SHROOM4: variants seen among roughly 807,000 people sequenced by gnomAD.
SHROOM4 encodes the protein protein Shroom4.
A neutral mutation model predicts 80.3 loss-of-function variants in SHROOM4; 17 were observed. The ratio of observed to expected loss-of-function variants is 0.21; its 90% CI spans 0.14 to 0.32. The LOEUF (loss-of-function observed/expected upper bound fraction) is 0.32. Ranked by LOEUF, SHROOM4 falls within the 10% of genes least tolerant of loss-of-function variation. The pLI, the probability that SHROOM4 is intolerant of heterozygous loss-of-function variation, is 1.00. For synonymous variants in SHROOM4, 400 were observed against 437.5 expected, an observed-to-expected ratio of 0.91 and a Z score of 1.07; for missense variants, 993 against 1,140.3, an observed-to-expected ratio of 0.87 and a Z score of 1.86.
At chrX:50,758,168 G>A (rs1557268565) in intron 1 of SHROOM4, among the ~76,000 whole-genome samples, 8 of 111,431 alleles carry the variant, frequency 7.2e-5, no homozygotes, top group Non-Finnish European at 1.5e-4. Context: ...ATGTTTTACT[G>A]TATAAAATAT....
downstream of SHROOM4, among the ~76,000 whole-genome samples, chrX:50,585,507 C>A (rs1557244719): frequency 3.6e-5 from 4 of 111,126 alleles, no homozygotes; most frequent in African/African-American, 1.3e-4. Context: ...TGGAGAAGCA[C>A]ACAGGAGACA....
Position 50,695,862 on chromosome X carries a change from G to C in SHROOM4, c.193C>G (p.Pro65Ala). ...GCCTCTTGGCGGGAGCCATATAATG[G>C]AGTGCCATTGATATTCACCAGCTCA... is the stretch of plus-strand genomic sequence containing the variant. ...GDELVNINGT[P>A]LYGSRQEALI... Residue 65 changes from proline to alanine, a missense_variant, in exon 2 of 9, where the codon CCA (proline) becomes GCA (alanine). Pro to Ala is a conservative substitution (Grantham distance 27). Coordinates refer to ENST00000376020, the MANE Select transcript of SHROOM4 (RefSeq NM_020717.5). The C allele has an allele frequency of 8.3e-7, 1 of 1,211,360 alleles. No homozygotes were observed. The highest frequency in any genetic ancestry group is 1.1e-6 in the Non-Finnish European group (1 of 895,066).
At chrX:50,767,250 A>C (rs149158690) in intron 1 of SHROOM4, among the ~76,000 whole-genome samples, 3,093 of 112,236 alleles carry the variant, frequency 0.028, 102 homozygotes, top group African/African-American at 0.095. Flanking sequence ...AAGAGTAAAA[A>C]TTTTAAAATA....
intron 1 of SHROOM4, among the ~76,000 whole-genome samples, chrX:50,772,151 G>A (rs548382246): frequency 1.8e-5 from 2 of 110,847 alleles, no homozygotes; most frequent in South Asian, 7.7e-4. Flanking sequence ...AAACTTCTGT[G>A]TATTTTCTAA....
rs782530547 is a variant in SHROOM4, at chrX:50,694,543, A to ATTTTTTT, written c.269+1236_269+1242dup. The stretch of plus-strand genomic sequence containing the variant: ...AGGTCTTTGCCCATTTTTAAGTTGG[A>ATTTTTTT]TTTTTTTTTTTTTTTTTTTTTTTTT... On this transcript the variant is annotated intron_variant, in intron 2 of 8. Transcript: ENST00000376020. 4.2e-3 allele frequency among the ~76,000 whole-genome samples: 53 copies of ATTTTTTT among 12,499 alleles called. 11 individuals are homozygous for ATTTTTTT. The highest frequency in any genetic ancestry group is 9.6e-3 in the African/African-American group (29 of 3,023). The allele number at this position is 12,499 out of a possible 115,157, so 10.9% of individuals were successfully genotyped here.
At position 50,755,798 on chromosome X, in the gene SHROOM4, G is replaced by A. The variant is rs984909430; in HGVS notation, c.117+58104C>T. Among the ~76,000 whole-genome samples the A allele has an allele frequency of 3.6e-5, 4 of 111,444 alleles. No individual in the cohort carries two copies. In the Admixed American group the frequency reaches 3.8e-4, roughly 11 times the overall value. On this transcript the variant is annotated intron_variant, in intron 1 of 8. Coordinates refer to ENST00000376020, the MANE Select transcript of SHROOM4 (RefSeq NM_020717.5). ...GGAAAGTTGGAACACAGAATCCAGA[G>A]AAATAGGTCCATGGTAGTAGGGTAC...
At chrX:50,717,644 G>C (rs1933999070) in intron 1 of SHROOM4, among the ~76,000 whole-genome samples, 1 of 111,509 alleles carries the variant, frequency 9.0e-6, no homozygotes, top group Non-Finnish European at 1.9e-5. Context: ...GAAGGGACAA[G>C]AACATTTACA....
intron 7 of SHROOM4, among the ~76,000 whole-genome samples, chrX:50,600,868 G>T (rs782096591): frequency 1.8e-5 from 2 of 112,194 alleles, no homozygotes; most frequent in South Asian, 7.7e-4. Context: ...TGAAGAGGCT[G>T]TCAGTTATAT....
intron 2 of SHROOM4, among the ~76,000 whole-genome samples, chrX:50,692,535 A>G (rs782015212): frequency 9.0e-6 from 1 of 111,680 alleles, no homozygotes; most frequent in South Asian, 3.9e-4. Context: ...TTATATAGGA[A>G]TTATTATTTG....
chrX:50,669,768 A>C (rs1932774496), intron 2 of SHROOM4, among the ~76,000 whole-genome samples: 1 of 112,305 alleles, frequency 8.9e-6, no homozygotes, highest in African/African-American at 3.2e-5. Flanking sequence ...CACACATAAG[A>C]AGCAACTCCT....
At chrX:50,576,314 T>G in the SHROOM4 span, among the ~76,000 whole-genome samples, 1 of 111,521 alleles carries the variant, frequency 9.0e-6, no homozygotes, top group Non-Finnish European at 1.9e-5. Flanking sequence ...TTATCTGATA[T>G]GTCAGGGTCA....
chrX:50,723,782 C>T (rs782191842), intron 1 of SHROOM4, among the ~76,000 whole-genome samples: 1 of 111,360 alleles, frequency 9.0e-6, no homozygotes, highest in East Asian at 2.8e-4. Flanking sequence ...CCCTTCCCTC[C>T]GTAACTGTTG....
chrX:50,773,556 C>T (rs782716540), intron 1 of SHROOM4, among the ~76,000 whole-genome samples: 4 of 112,251 alleles, frequency 3.6e-5, no homozygotes, highest in Non-Finnish European at 5.6e-5. Context: ...AGAGTTTCAA[C>T]GATTCATGAT....
At chrX:50,719,347 TG>T (rs1934047162) in intron 1 of SHROOM4, among the ~76,000 whole-genome samples, 1 of 111,326 alleles carries the variant, frequency 9.0e-6, no homozygotes, top group Non-Finnish European at 1.9e-5. Context: ...AGGTCATTTT[TG>T]TTTCCACCTC....
chrX:50,652,542 G>A (rs1205362736), intron 2 of SHROOM4, among the ~76,000 whole-genome samples: 2 of 111,806 alleles, frequency 1.8e-5, no homozygotes, highest in Non-Finnish European at 3.8e-5. Context: ...TCTGATGATA[G>A]TTTCTTTTGC....
intron 2 of SHROOM4, among the ~76,000 whole-genome samples, chrX:50,655,211 T>A (rs1479767458): frequency 2.7e-5 from 3 of 110,152 alleles, no homozygotes; most frequent in African/African-American, 9.9e-5. Flanking sequence ...CTAGGTTGAT[T>A]CCATGTCTTT....
the SHROOM4 span, among the ~76,000 whole-genome samples, chrX:50,576,163 C>G: frequency 9.8e-4 from 110 of 111,849 alleles, 1 homozygote; most frequent in South Asian, 3.0e-3. Flanking sequence ...CTCTCTGGCC[C>G]ATAAGAATGA....
intron 5 of SHROOM4, among the ~76,000 whole-genome samples, chrX:50,610,352 T>TCTCTCACACA (rs782591424): frequency 1.5e-4 from 14 of 91,710 alleles, no homozygotes; most frequent in East Asian, 6.4e-4. Context: ...TCTCTCTCTC[T>TCTCTCACACA]CACACACACA....
intron 1 of SHROOM4, among the ~76,000 whole-genome samples, chrX:50,773,971 C>A (rs1323301492): frequency 8.9e-6 from 1 of 112,128 alleles, no homozygotes; most frequent in African/African-American, 3.2e-5. Flanking sequence ...CATTATCAAA[C>A]ATGGGCTTTG....
Sources: allele counts gnomAD v4.1 joint callset (sites outside exome capture counted in the v4.1 genomes callset), GRCh38; gene constraint gnomAD v4.1.1; transcripts MANE v1.5; gene names NCBI Gene and HGNC (gene_info 2026-07-23, HGNC 2026-07-21).